The following METTL15 variants were observed in gnomAD, a reference collection of about 807,000 sequenced individuals.
METTL15 encodes 12S rRNA N(4)-cytidine methyltransferase METTL15.
Under a neutral mutation model 38.3 loss-of-function variants are expected in METTL15, and 34 were observed. The ratio of observed to expected loss-of-function variants is 0.89; its 90% CI spans 0.68 to 1.18. METTL15 has a LOEUF of 1.18. METTL15 is among the 50% of genes most tolerant of loss of function. The probability of loss-of-function intolerance (pLI) is 0.00; values close to 1 mark genes in which losing one functional copy is unlikely to be tolerated. For missense variants in METTL15, 438 were observed against 498.4 expected (o/e 0.88, Z 1.15); for synonymous variants, 162 against 170.9 (o/e 0.95, Z 0.41).
chr11:28,495,525 T>A (rs1181850911), intron 6 of METTL15, among the ~76,000 whole-genome samples: 3 of 152,172 alleles, frequency 2.0e-5, no homozygotes, highest in African/African-American at 7.2e-5. Context: ...GGCTTTCCTA[T>A]CCAACTGTGA....
At chr11:28,239,929 C>T (rs1854215996) in intron 4 of METTL15, among the ~76,000 whole-genome samples, 1 of 151,746 alleles carries the variant, frequency 6.6e-6, no homozygotes, top group Non-Finnish European at 1.5e-5. Flanking sequence ...GTCTGTTTAC[C>T]CCAACTAGAA....
chr11:28,161,107 C>CTTTTTTTTTT lies in METTL15; in HGVS notation c.270+47513_270+47522dup, dbSNP rs10660185. Reference sequence around the variant, plus strand: ...GATATAGTCAGATGTTTGCACCTTCCTTTTTTTTTTTTTTTTTTTGTTTTT... The same window carrying CTTTTTTTTTT: ...GATATAGTCAGATGTTTGCACCTTCCTTTTTTTTTTTTTTTTTTTTTTTTTTTTTGTTTTT... On this transcript the variant is annotated intron_variant, in intron 3 of 6. Coordinates refer to ENST00000407364, the MANE Select transcript of METTL15 (RefSeq NM_001113528.2). Among the ~76,000 whole-genome samples the CTTTTTTTTTT allele has an allele frequency of 8.9e-4, 118 of 131,880 alleles. 1 individual carries two copies. The highest frequency in any genetic ancestry group is 1.3e-3 in the Non-Finnish European group (82 of 63,316). 86.5% of individuals were successfully genotyped at this position (131,880 alleles called of 152,430 possible).
intron 5 of METTL15, among the ~76,000 whole-genome samples, chr11:28,294,547 T>C (rs866359657): frequency 1.3e-5 from 2 of 152,186 alleles, no homozygotes; most frequent in Non-Finnish European, 2.9e-5. Context: ...AATTCATAGC[T>C]TCAAGAATTT....
intron 5 of METTL15, among the ~76,000 whole-genome samples, chr11:28,380,130 A>G (rs923839618): frequency 4.0e-5 from 6 of 148,990 alleles, no homozygotes; most frequent in African/African-American, 1.5e-4. Context: ...AGCAACATAT[A>G]GTTAGATCTT....
chr11:28,412,721 A>G (rs927131210), intron 5 of METTL15, among the ~76,000 whole-genome samples: 4 of 152,020 alleles, frequency 2.6e-5, no homozygotes, highest in African/African-American at 9.7e-5. Flanking sequence ...AGAATGAAAC[A>G]TTGGTACCAT....
At chr11:28,122,199 T>A (rs1195031823) in intron 3 of METTL15, 10 of 1,254,032 alleles carry the variant, frequency 8.0e-6, no homozygotes, top group Non-Finnish European at 9.4e-6. Flanking sequence ...AACATTTTTT[T>A]AAAATGAGAA....
At chr11:28,164,998 G>C (rs1457584053) in intron 3 of METTL15, among the ~76,000 whole-genome samples, 2 of 152,130 alleles carry the variant, frequency 1.3e-5, no homozygotes, top group East Asian at 3.8e-4. Context: ...TTCATCCCAT[G>C]TTGTAACAAA....
At chr11:28,458,952 T>C (rs913099546) in intron 6 of METTL15, among the ~76,000 whole-genome samples, 2 of 152,210 alleles carry the variant, frequency 1.3e-5, no homozygotes, top group Non-Finnish European at 2.9e-5. Flanking sequence ...GTGATCTTTT[T>C]AATCAACCTG....
chr11:28,370,982 T>C (rs529462482), intron 5 of METTL15, among the ~76,000 whole-genome samples: 1 of 152,220 alleles, frequency 6.6e-6, no homozygotes, highest in South Asian at 2.1e-4. Flanking sequence ...TTTGCAGTTT[T>C]TTTCCTCCCA....
At chr11:28,312,872 A>T (rs1239372094) in intron 6 of METTL15, among the ~76,000 whole-genome samples, 1 of 152,078 alleles carries the variant, frequency 6.6e-6, no homozygotes, top group Non-Finnish European at 1.5e-5. Flanking sequence ...TCATGACCTG[A>T]TCATCTCTTA....
At chr11:28,128,253 A>C (rs1037258147) in intron 3 of METTL15, among the ~76,000 whole-genome samples, 18 of 152,118 alleles carry the variant, frequency 1.2e-4, no homozygotes, top group African/African-American at 4.3e-4. Flanking sequence ...AAAAAAATTA[A>C]CCAGAAATAA....
chr11:28,367,625 G>C (rs967290230), intron 5 of METTL15, among the ~76,000 whole-genome samples: 10 of 152,138 alleles, frequency 6.6e-5, no homozygotes, highest in Non-Finnish European at 1.5e-4. Flanking sequence ...AACCAAAAAA[G>C]AGCCTGCATA....
chr11:28,524,610 GTGTC>G (rs1271386296), intron 6 of METTL15, among the ~76,000 whole-genome samples: 6 of 152,192 alleles, frequency 3.9e-5, no homozygotes, highest in Non-Finnish European at 8.8e-5. Context: ...GTTCAAGAAA[GTGTC>G]TGTGGAAATT....
At chr11:28,113,715 TC>T (rs1851822906) in intron 3 of METTL15, 111 bp downstream of exon 3, 1 of 1,167,938 alleles carries the variant, frequency 8.6e-7, no homozygotes, top group East Asian at 2.5e-5. Context: ...TACAGATGAA[TC>T]CCAACTTTTG....
At chr11:28,425,137 G>T (rs1489061430) in intron 6 of METTL15, among the ~76,000 whole-genome samples, 2 of 152,158 alleles carry the variant, frequency 1.3e-5, no homozygotes, top group African/African-American at 2.4e-5. Context: ...TGGGCTGTAG[G>T]AACAATAAAA....
chr11:28,218,491 A>G (rs1018346320), intron 4 of METTL15, among the ~76,000 whole-genome samples: 1 of 152,196 alleles, frequency 6.6e-6, no homozygotes, highest in African/African-American at 2.4e-5. Context: ...ATATACAATC[A>G]TGTCATCTGC....
rs527258770 is a variant in METTL15 at position 28,322,121 on chromosome 11, G to C, written c.779-8275G>C. Among the ~76,000 whole-genome samples the C allele has an allele frequency of 1.5e-4, 23 of 152,028 alleles. No individual in the cohort carries two copies. In the South Asian group the frequency reaches 4.8e-3, roughly 32 times the overall value. On this transcript the variant is annotated intron_variant, in intron 6 of 6. Transcript: ENST00000407364. ...AGAGTTGATTATATCTATAATCTTA[G>C]AGTGGGAAAAACCTTCCTAAATTTA...
chr11:28,324,559 T>C (rs187245294), intron 6 of METTL15, among the ~76,000 whole-genome samples: 2 of 152,320 alleles, frequency 1.3e-5, no homozygotes, highest in Admixed American at 1.3e-4. Flanking sequence ...ACAGGGAAAT[T>C]GCTGGCAAAT....
intron 1 of METTL15, among the ~76,000 whole-genome samples, chr11:28,109,210 G>A (rs1043018772): frequency 6.6e-6 from 1 of 152,166 alleles, no homozygotes; most frequent in Non-Finnish European, 1.5e-5. Context: ...ATTGTGTACT[G>A]TATGTGATGC....
Sources: gnomAD v4.1 joint callset for allele counts (sites outside exome capture counted in the v4.1 genomes callset) on GRCh38, gnomAD v4.1.1 for gene constraint, MANE v1.5 for transcripts, NCBI Gene and HGNC (gene_info 2026-07-23, HGNC 2026-07-21) for gene names.